Variants in CDK6 observed in about 807,000 individuals in gnomAD.
CDK6 encodes the protein cyclin dependent kinase 6.
CDK6 carries 6 observed loss-of-function variants against 37.1 expected under a neutral mutation model. The ratio of observed to expected loss-of-function variants is 0.16; its 90% CI spans 0.09 to 0.32. CDK6 has a LOEUF of 0.32. Ranked by LOEUF, CDK6 falls within the 10% of genes least tolerant of loss-of-function variation. The probability of loss-of-function intolerance (pLI) is 1.00; values close to 1 mark genes in which losing one functional copy is unlikely to be tolerated. For missense variants in CDK6, 224 were observed against 418.9 expected (o/e 0.53, Z 4.06); for synonymous variants, 160 against 161.3 (o/e 0.99, Z 0.06).
chr7:92,734,606 A>G (rs956747208), intron 3 of CDK6, among the ~76,000 whole-genome samples: 1 of 152,194 alleles, frequency 6.6e-6, no homozygotes, highest in Non-Finnish European at 1.5e-5. Flanking sequence ...TAAAGAAGTG[A>G]GGGCCCAAAC....
chr7:92,627,535 T>C (rs938940993), intron 5 of CDK6, among the ~76,000 whole-genome samples: 6 of 152,122 alleles, frequency 3.9e-5, no homozygotes, highest in African/African-American at 1.4e-4. Flanking sequence ...CCTCTCCAGA[T>C]ACTGGCTCTG....
intron 2 of CDK6, among the ~76,000 whole-genome samples, chr7:92,825,396 A>T (rs988671869): frequency 3.3e-5 from 5 of 152,112 alleles, no homozygotes; most frequent in African/African-American, 9.7e-5. Flanking sequence ...TACTGCAAGG[A>T]ACAAGACAAC....
rs1795575391 is a variant in CDK6 at position 92,612,103 on chromosome 7, C to A, written c.*3037G>T. On this transcript the variant is annotated 3_prime_UTR_variant, in exon 8 of 8. Transcript: ENST00000424848. ...ATGAAAGCTAAATGGACAAGTTTCTCTTTTTCTCTTTTTATATGTAGGTTG... is the reference window on the plus strand; with the variant it reads ...ATGAAAGCTAAATGGACAAGTTTCTATTTTTCTCTTTTTATATGTAGGTTG... The A allele has an allele frequency of 4.3e-6, 1 of 232,804 alleles. No homozygotes were observed. The highest frequency in any genetic ancestry group is 2.2e-5 in the African/African-American group (1 of 45,314). The allele number at this position is 232,804 out of a possible 1,614,324, so 14.4% of individuals were successfully genotyped here.
chr7:92,633,362 T>C (rs564613445), intron 5 of CDK6, among the ~76,000 whole-genome samples: 4 of 152,066 alleles, frequency 2.6e-5, no homozygotes, highest in Non-Finnish European at 5.9e-5. Context: ...ACAGACCTAT[T>C]TGAATAGGGT....
At chr7:92,821,344 C>T (rs1451489304) in intron 2 of CDK6, among the ~76,000 whole-genome samples, 1 of 152,070 alleles carries the variant, frequency 6.6e-6, no homozygotes, top group Non-Finnish European at 1.5e-5. Context: ...GCTAATGTCC[C>T]AGACATCTTG....
chr7:92,605,955 C>T lies in CDK6; in HGVS notation c.*9185G>A, dbSNP rs1358911672. 1 of 233,524 alleles carries T rather than the reference C, an allele frequency of 4.3e-6. No homozygotes were observed. Among genetic ancestry groups the T allele is most frequent in the Non-Finnish European group, 8.5e-6 (1 of 118,006 alleles). The allele number at this position is 233,524 out of a possible 1,614,324, so 14.5% of individuals were successfully genotyped here. A position where few individuals can be genotyped will look rare whatever the true frequency, so the allele number is the denominator to read the frequency against. ...CATTCTTATAAGACTGTGTCCCAGG[C>T]AGTGAATTTCCACACTGCTTCTTGG... On this transcript the variant is annotated 3_prime_UTR_variant, in exon 8 of 8. Transcript: ENST00000424848.
chr7:92,701,791 T>C (rs918732170), intron 4 of CDK6: 2 of 152,418 alleles, frequency 1.3e-5, no homozygotes, highest in Non-Finnish European at 2.9e-5. Flanking sequence ...CTAATTTTAG[T>C]ACATGTGCTG....
At chr7:92,715,298 C>G (rs762784336) in intron 4 of CDK6, among the ~76,000 whole-genome samples, 1 of 150,506 alleles carries the variant, frequency 6.6e-6, no homozygotes, top group Non-Finnish European at 1.5e-5. Flanking sequence ...AGAGCTTTTT[C>G]TCCCTTATTT....
At chr7:92,724,880 A>AGCGGTGGCAGGCGCCTGT (rs1397066637) in intron 4 of CDK6, among the ~76,000 whole-genome samples, 1 of 152,218 alleles carries the variant, frequency 6.6e-6, no homozygotes. Flanking sequence ...GAAGGGTATT[A>AGCGGTGGCAGGCGCCTGT]ATACCTATTT....
chr7:92,679,041 C>A (rs750812354), intron 4 of CDK6, among the ~76,000 whole-genome samples: 10 of 152,274 alleles, frequency 6.6e-5, no homozygotes, highest in Non-Finnish European at 1.2e-4. Context: ...GAACTGACTG[C>A]GAGTAAGACT....
chr7:92,664,006 G>A (rs953092264), intron 5 of CDK6, among the ~76,000 whole-genome samples: 1 of 150,416 alleles, frequency 6.6e-6, no homozygotes, highest in African/African-American at 2.4e-5. Flanking sequence ...CCGGGCACGG[G>A]GGCAGGCGCC....
At chr7:92,781,465 T>C (rs970852700) in intron 2 of CDK6, among the ~76,000 whole-genome samples, 4 of 152,280 alleles carry the variant, frequency 2.6e-5, no homozygotes, top group Non-Finnish European at 5.9e-5. Flanking sequence ...AACTATTGCA[T>C]AGGCAAGTTG....
In CDK6 at chr7:92,606,681, A is replaced by AG; in HGVS notation, c.*8458dup. 1 of 233,198 alleles carries AG rather than the reference A, an allele frequency of 4.3e-6. No individual in the cohort carries two copies. The highest frequency in any genetic ancestry group is 2.2e-5 in the African/African-American group (1 of 45,472). The allele number at this position is 233,198 out of a possible 1,614,324, so 14.4% of individuals were successfully genotyped here. A position where few individuals can be genotyped will look rare whatever the true frequency, so the allele number is the denominator to read the frequency against. ...AAAACATTTTCTATTATAAGTCAGA[A>AG]GGAAAAAAGCTTACTGTATGTGACA... On this transcript the variant is annotated 3_prime_UTR_variant, in exon 8 of 8. Transcript: ENST00000424848.
In CDK6 at chr7:92,718,098, C is replaced by G. The variant is rs116459099; in HGVS notation, c.537+7528G>C. Among the ~76,000 whole-genome samples the G allele has an allele frequency of 3.5e-3, 535 of 152,282 alleles. 3 individuals are homozygous for G. Among genetic ancestry groups the G allele is most frequent in the African/African-American group, 8.9e-3 (368 of 41,554 alleles). On this transcript the variant is annotated intron_variant, in intron 4 of 7. Coordinates refer to ENST00000424848, the MANE Select transcript of CDK6 (RefSeq NM_001145306.2). The stretch of plus-strand genomic sequence containing the variant: ...CTGTTCCCAGCTCTGTGCACTGCCC[C>G]CATTGTGTTCCACTTCCCTCACTGG...
Position 92,613,773 on chromosome 7 carries a change from A to G in CDK6, c.*1367T>C. On this transcript the variant is annotated 3_prime_UTR_variant, in exon 8 of 8. Coordinates refer to ENST00000424848, the MANE Select transcript of CDK6 (RefSeq NM_001145306.2). ...GTTTATAGCAATCTGTGTGCTGGTGATAAAACAAAACAAGATCCTACTCAT... is the reference window on the plus strand; with the variant it reads ...GTTTATAGCAATCTGTGTGCTGGTGGTAAAACAAAACAAGATCCTACTCAT... 1 of 233,226 alleles carries G rather than the reference A, an allele frequency of 4.3e-6. No individual in the cohort carries two copies. The highest frequency in any genetic ancestry group is 8.5e-6 in the Non-Finnish European group (1 of 118,000). The allele number at this position is 233,226 out of a possible 1,614,324, so 14.4% of individuals were successfully genotyped here. A position where few individuals can be genotyped will look rare whatever the true frequency, so the allele number is the denominator to read the frequency against.
chr7:92,684,213 T>C (rs895907440), intron 4 of CDK6, among the ~76,000 whole-genome samples: 67 of 152,344 alleles, frequency 4.4e-4, no homozygotes, highest in African/African-American at 1.3e-3. Flanking sequence ...GCAGGTCTTA[T>C]TGAACTCAGG....
chr7:92,787,185 CAAAAAAAA>C (rs761038672), intron 2 of CDK6, among the ~76,000 whole-genome samples: 3 of 35,484 alleles, frequency 8.5e-5, no homozygotes, highest in African/African-American at 2.0e-4. Context: ...GACTCCATCA[CAAAAAAAA>C]AAAAAAAAAA....
At chr7:92,724,918 G>A (rs966471596) in intron 4 of CDK6, 4 of 645,304 alleles carry the variant, frequency 6.2e-6, no homozygotes, top group Non-Finnish European at 7.7e-6. Flanking sequence ...TATTTGGGGT[G>A]CAGAATTTCA....
At chr7:92,691,879 C>T (rs982892182) in intron 4 of CDK6, among the ~76,000 whole-genome samples, 1 of 152,176 alleles carries the variant, frequency 6.6e-6, no homozygotes, top group Non-Finnish European at 1.5e-5. Context: ...TAAATGTAAG[C>T]GTAAAAGCAA....
Sources: allele counts gnomAD v4.1 joint callset (sites outside exome capture counted in the v4.1 genomes callset), GRCh38; gene constraint gnomAD v4.1.1; transcripts MANE v1.5; gene names NCBI Gene and HGNC (gene_info 2026-07-23, HGNC 2026-07-21).